DNAH6: variants seen among roughly 807,000 people sequenced by gnomAD.
The protein encoded by DNAH6 is dynein axonemal heavy chain 6, also known as axonemal beta dynein heavy chain 6.
In DNAH6, 340 loss-of-function variants were observed where a neutral mutation model predicts 491.4. That is an observed-to-expected ratio of 0.69 (90% CI 0.63 to 0.76). The LOEUF (loss-of-function observed/expected upper bound fraction) is 0.76, where lower values mean the gene tolerates loss of function less well. DNAH6 is among the 30% of genes least tolerant of loss of function. The pLI is 0.00. For missense variants in DNAH6, 4,443 were observed against 4,972.2 expected, an observed-to-expected ratio of 0.89 and a Z score of 3.20; for synonymous variants, 1,603 against 1,686.1, an observed-to-expected ratio of 0.95 and a Z score of 1.21.
chr2:84,785,605 T>A lies in DNAH6; in HGVS notation c.10954-5T>A. On this transcript the variant is annotated splice_region_variant and splice_polypyrimidine_tract_variant and intron_variant, in intron 66 of 76. Transcript: ENST00000389394. ...CTCTGCCACATATATTCTATCTAAA[T>A]CCAGGTGACCAATGAGCCTCCAAAA... 6.6e-7 allele frequency: 1 copy of A among 1,526,686 alleles called. No homozygotes were observed. Among genetic ancestry groups the A allele is most frequent in the Admixed American group, 2.3e-5 (1 of 43,936 alleles). The allele number at this position is 1,526,686 out of a possible 1,614,324, so 94.6% of individuals were successfully genotyped here. A position where few individuals can be genotyped will look rare whatever the true frequency, so the allele number is the denominator to read the frequency against.
At chr2:84,618,927 G>T (rs987015403) in intron 23 of DNAH6, among the ~76,000 whole-genome samples, 1 of 152,140 alleles carries the variant, frequency 6.6e-6, no homozygotes, top group Non-Finnish European at 1.5e-5. Context: ...CAGTACGTCT[G>T]CATGGCTGTG....
chr2:84,568,762 A>C (rs1055653897), intron 11 of DNAH6, among the ~76,000 whole-genome samples: 3 of 152,216 alleles, frequency 2.0e-5, no homozygotes, highest in Admixed American at 2.0e-4. Context: ...ATCAAAACTT[A>C]TGATAAAACA....
At chr2:84,488,729 G>C in the DNAH6 span, among the ~76,000 whole-genome samples, 1 of 152,082 alleles carries the variant, frequency 6.6e-6, no homozygotes, top group Admixed American at 6.6e-5. Context: ...AATCACATCT[G>C]GAAAGTCCCT....
intron 39 of DNAH6, among the ~76,000 whole-genome samples, chr2:84,671,732 C>G (rs908721509): frequency 6.6e-6 from 1 of 152,170 alleles, no homozygotes; most frequent in African/African-American, 2.4e-5. Flanking sequence ...CTGTAGTAAT[C>G]CCAACCACAA....
chr2:84,503,221 A>G, the DNAH6 span, among the ~76,000 whole-genome samples: 1 of 152,098 alleles, frequency 6.6e-6, no homozygotes, highest in Non-Finnish European at 1.5e-5. Flanking sequence ...TGTTAACCTG[A>G]TAACAACTTA....
intron 2 of DNAH6, among the ~76,000 whole-genome samples, chr2:84,519,779 C>T (rs1312470456): frequency 6.6e-6 from 1 of 151,774 alleles, no homozygotes; most frequent in African/African-American, 2.4e-5. Flanking sequence ...TTTTCTATGC[C>T]ATCTAACATT....
intron 4 of DNAH6, among the ~76,000 whole-genome samples, chr2:84,538,763 C>T (rs1017574826): frequency 6.6e-6 from 1 of 152,098 alleles, no homozygotes; most frequent in East Asian, 1.9e-4. Flanking sequence ...AAGCTTAGGA[C>T]ATGTTCCTTC....
intron 71 of DNAH6, among the ~76,000 whole-genome samples, chr2:84,806,567 C>T (rs566205565): frequency 1.7e-4 from 24 of 138,988 alleles, no homozygotes; most frequent in Middle Eastern, 4.3e-3. Context: ...CGCAGTGAGC[C>T]GAGATCACAC....
intron 71 of DNAH6, among the ~76,000 whole-genome samples, chr2:84,806,479 C>A (rs369004274): frequency 4.0e-5 from 6 of 151,810 alleles, no homozygotes; most frequent in African/African-American, 1.2e-4. Flanking sequence ...ATTAGCCGGG[C>A]GTGGTGGCGG....
intron 64 of DNAH6, among the ~76,000 whole-genome samples, chr2:84,770,400 A>G (rs1335120344): frequency 6.6e-6 from 1 of 152,206 alleles, no homozygotes; most frequent in African/African-American, 2.4e-5. Flanking sequence ...TTACTAGACA[A>G]AAACTTTAAA....
intron 18 of DNAH6, among the ~76,000 whole-genome samples, chr2:84,599,367 C>T (rs1685004326): frequency 6.6e-6 from 1 of 151,378 alleles, no homozygotes. Flanking sequence ...TTTTATGAAT[C>T]AAGCTTTTAG....
chr2:84,737,089 ATGGTTT>A (rs944647876), intron 62 of DNAH6, among the ~76,000 whole-genome samples: 1 of 151,988 alleles, frequency 6.6e-6, no homozygotes, highest in Non-Finnish European at 1.5e-5. Context: ...AGGTGATCAT[ATGGTTT>A]TTGATTTTAG....
intron 11 of DNAH6, among the ~76,000 whole-genome samples, chr2:84,568,364 A>G (rs561837490): frequency 6.6e-6 from 1 of 152,328 alleles, no homozygotes; most frequent in African/African-American, 2.4e-5. Flanking sequence ...TGTGATATAT[A>G]TATACCGTGG....
chr2:84,669,103 G>C (rs998898662), intron 37 of DNAH6, among the ~76,000 whole-genome samples, 186 bp from the exon 38 acceptor site: 3 of 152,100 alleles, frequency 2.0e-5, no homozygotes, highest in Non-Finnish European at 2.9e-5. Flanking sequence ...TCCATGCATT[G>C]TGTTGCATGA....
In DNAH6 at chr2:84,605,701, T is replaced by C. The variant is rs115149495; in HGVS notation, c.3174+109T>C. The C allele has an allele frequency of 4.7e-3, 3,081 of 660,772 alleles. 82 individuals are homozygous for C. The African/African-American group carries it at 0.049, about 10-fold the overall frequency. The allele number at this position is 660,772 out of a possible 1,614,324, so 40.9% of individuals were successfully genotyped here. On this transcript the variant is annotated intron_variant, in intron 20 of 76. Transcript: ENST00000389394. ...GGAATAAAACATGAGAGTCACTTAA[T>C]AAGAAAAATCTAATTGGGAAAGCAA...
At chr2:84,624,851 T>C in intron 28 of DNAH6, 51 bp from the exon 29 acceptor site, 1 of 1,474,804 alleles carries the variant, frequency 6.8e-7, no homozygotes. Flanking sequence ...ATGCCTTAAT[T>C]TGTGGCCAGA....
chr2:84,641,800 G>T, intron 32 of DNAH6, 147 bp from the exon 33 acceptor site: 1 of 625,136 alleles, frequency 1.6e-6, no homozygotes, highest in Middle Eastern at 4.4e-4. Context: ...CTCTGATGGA[G>T]ATGAACGCTG....
intron 45 of DNAH6, among the ~76,000 whole-genome samples, chr2:84,692,822 T>C (rs1695004152): frequency 6.6e-6 from 1 of 152,206 alleles, no homozygotes; most frequent in African/African-American, 2.4e-5. Flanking sequence ...TAACATGGTA[T>C]TTTTCTCCAA....
In DNAH6 at chr2:84,805,515, GTTAA is replaced by G; in HGVS notation, c.11482-147_11482-144del. On this transcript the variant is annotated intron_variant, in intron 70 of 76. Coordinates refer to ENST00000389394, the MANE Select transcript of DNAH6 (RefSeq NM_001370.2). ...AATTTGTTAAGAGGGTAGATCTCATGTTAATTGTTCTTACCACAATAAAATAAAG... is the reference window on the plus strand; with the variant it reads ...AATTTGTTAAGAGGGTAGATCTCATGTTGTTCTTACCACAATAAAATAAAG... 4.7e-6 allele frequency: 3 copies of G among 644,298 alleles called. No homozygotes were observed. The East Asian group carries it at 1.0e-4, about 22-fold the overall frequency. 39.9% of individuals were successfully genotyped at this position (644,298 alleles called of 1,614,324 possible).
Sources: gnomAD v4.1 joint callset for allele counts (sites outside exome capture counted in the v4.1 genomes callset) on GRCh38, gnomAD v4.1.1 for gene constraint, MANE v1.5 for transcripts, NCBI Gene and HGNC (gene_info 2026-07-23, HGNC 2026-07-21) for gene names.